GATAD2B: variants seen among roughly 807,000 people sequenced by gnomAD.
The protein encoded by GATAD2B is transcriptional repressor p66-beta.
A neutral mutation model predicts 64.3 loss-of-function variants in GATAD2B; 8 were observed. The observed-to-expected ratio is 0.12, with a 90% CI of 0.07 to 0.22. The LOEUF is 0.22. GATAD2B is among the 10% of genes least tolerant of loss of function. The probability of loss-of-function intolerance (pLI) is 1.00; values close to 1 mark genes in which losing one functional copy is unlikely to be tolerated. For missense variants in GATAD2B, 453 were observed against 752.0 expected, an observed-to-expected ratio of 0.60 and a Z score of 4.65; for synonymous variants, 281 against 271.3, an observed-to-expected ratio of 1.04 and a Z score of -0.35.
intron 1 of GATAD2B, among the ~76,000 whole-genome samples, chr1:153,886,877 T>A (rs1677202513): frequency 6.6e-6 from 1 of 152,000 alleles, no homozygotes; most frequent in Non-Finnish European, 1.5e-5. Flanking sequence ...GCTGTTTTTT[T>A]AAAAAGCCAA....
intron 1 of GATAD2B, among the ~76,000 whole-genome samples, chr1:153,868,146 G>A (rs992413385): frequency 2.0e-5 from 3 of 152,044 alleles, no homozygotes. Flanking sequence ...AGGTTGCATT[G>A]AGCTGAGATC....
intron 1 of GATAD2B, among the ~76,000 whole-genome samples, chr1:153,906,976 AAAAC>A (rs757387138): frequency 1.1e-4 from 16 of 152,336 alleles, no homozygotes; most frequent in Non-Finnish European, 1.5e-4. Flanking sequence ...TTCCTATTCA[AAAAC>A]AAACAAACAA....
intron 1 of GATAD2B, chr1:153,852,908 T>A: frequency 1.3e-6 from 1 of 793,420 alleles, no homozygotes; most frequent in Non-Finnish European, 2.2e-6. Context: ...AAGCCACTGC[T>A]CATGAGCTGC....
At chr1:153,854,674 T>C (rs886780110) in intron 1 of GATAD2B, among the ~76,000 whole-genome samples, 24 of 152,346 alleles carry the variant, frequency 1.6e-4, no homozygotes, top group Admixed American at 1.1e-3. Flanking sequence ...TTTTAGGTTA[T>C]ATAGTCTATT....
rs34557576 is a variant in GATAD2B, at chr1:153,859,907, C to CTTTTTT, written c.-1-31565_-1-31560dup. Among the ~76,000 whole-genome samples, 213 of 60,902 alleles carry CTTTTTT rather than the reference C, an allele frequency of 3.5e-3. 4 individuals are homozygous for CTTTTTT. Among genetic ancestry groups the CTTTTTT allele is most frequent in the Middle Eastern group, 0.02 (1 of 50 alleles). The allele number at this position is 60,902 out of a possible 152,430, so 40.0% of individuals were successfully genotyped here. ...CTGTCAAGGAATTTTCTTTTCTTTT[C>CTTTTTT]TTTTTTTTTTTTTTTTTTTTTTTTT... On this transcript the variant is annotated intron_variant, in intron 1 of 10. Transcript: ENST00000368655.
intron 1 of GATAD2B, among the ~76,000 whole-genome samples, chr1:153,861,781 CAAA>C (rs869141712): frequency 1.2e-5 from 1 of 85,726 alleles, no homozygotes; most frequent in African/African-American, 4.3e-5. Context: ...GACTCCATTT[CAAA>C]AAAAAAAAAA....
chr1:153,908,571 C>A (rs1442214799), intron 1 of GATAD2B, among the ~76,000 whole-genome samples: 2 of 151,410 alleles, frequency 1.3e-5, no homozygotes, highest in African/African-American at 4.9e-5. Flanking sequence ...CGGGTTCCAG[C>A]GATTCTCCTG....
intron 1 of GATAD2B, among the ~76,000 whole-genome samples, chr1:153,882,389 A>G (rs1026788360): frequency 4.7e-4 from 71 of 152,234 alleles, no homozygotes; most frequent in African/African-American, 1.6e-3. Flanking sequence ...ACAGGTACTA[A>G]TAAGACAGCA....
At chr1:153,815,288 A>AC (rs1674434725) in intron 7 of GATAD2B, among the ~76,000 whole-genome samples, 1 of 146,364 alleles carries the variant, frequency 6.8e-6, no homozygotes, top group East Asian at 1.9e-4. Context: ...AACAAAAAAA[A>AC]AAAACAAAAA....
intron 1 of GATAD2B, chr1:153,890,570 C>A (rs960511567): frequency 2.6e-5 from 4 of 151,836 alleles, no homozygotes; most frequent in Non-Finnish European, 4.4e-5. Flanking sequence ...GGTTGGGGGC[C>A]ATCCTGAACC....
intron 2 of GATAD2B, among the ~76,000 whole-genome samples, chr1:153,827,776 C>T (rs1007965126): frequency 6.6e-6 from 1 of 152,128 alleles, no homozygotes; most frequent in Non-Finnish European, 1.5e-5. Flanking sequence ...CCCCCTTTAT[C>T]TAGAAATGAC....
At chr1:153,895,551 G>C (rs1328066668) in intron 1 of GATAD2B, among the ~76,000 whole-genome samples, 3 of 151,504 alleles carry the variant, frequency 2.0e-5, no homozygotes, top group Non-Finnish European at 4.4e-5. Context: ...CTGCACTCTA[G>C]CCTGGGCAAC....
intron 1 of GATAD2B, among the ~76,000 whole-genome samples, chr1:153,909,576 C>A (rs1678053518): frequency 6.6e-6 from 1 of 151,576 alleles, no homozygotes; most frequent in Non-Finnish European, 1.5e-5. Context: ...CCACGGCAGG[C>A]AGATCACAAG....
chr1:153,889,048 TAC>T lies in GATAD2B; in HGVS notation c.-2+33683_-2+33684del, dbSNP rs1289602003. On this transcript the variant is annotated intron_variant, in intron 1 of 10. Coordinates refer to ENST00000368655, the MANE Select transcript of GATAD2B (RefSeq NM_020699.4). ...ACTAAAATGTAAGTTATCACAGCCA[TAC>T]AGTCAGTGACTTCCATAAATCTTTT... is the stretch of plus-strand genomic sequence containing the variant. Among the ~76,000 whole-genome samples, 5 of 152,216 alleles carry T rather than the reference TAC, an allele frequency of 3.3e-5. No individual in the cohort carries two copies. The South Asian group carries it at 1.0e-3, about 32-fold the overall frequency.
At chr1:153,891,466 A>G (rs1677395533) in intron 1 of GATAD2B, among the ~76,000 whole-genome samples, 1 of 143,512 alleles carries the variant, frequency 7.0e-6, no homozygotes, top group Non-Finnish European at 1.5e-5. Flanking sequence ...GCTACTTGGG[A>G]GGTTGAGGCA....
chr1:153,821,220 G>GTGA (rs1408155710), intron 2 of GATAD2B, among the ~76,000 whole-genome samples: 1 of 151,924 alleles, frequency 6.6e-6, no homozygotes, highest in Non-Finnish European at 1.5e-5. Context: ...CTGGGTTCAA[G>GTGA]TGATCCTGCT....
chr1:153,820,572 C>G (rs1473529883), intron 2 of GATAD2B, among the ~76,000 whole-genome samples: 1 of 152,190 alleles, frequency 6.6e-6, no homozygotes, highest in Non-Finnish European at 1.5e-5. Context: ...ATCCTACTTT[C>G]CTTGAGATTG....
rs966681760 is a variant in GATAD2B at position 153,805,169 on chromosome 1, G to A, written c.*5008C>T. The stretch of plus-strand genomic sequence containing the variant: ...TTATCAGCCCAGAACCTAAAGAAGA[G>A]AGTAGGAGTACTCAGCCCAGGCTGT... On this transcript the variant is annotated 3_prime_UTR_variant, in exon 11 of 11. Coordinates refer to ENST00000368655, the MANE Select transcript of GATAD2B (RefSeq NM_020699.4). 6.6e-6 allele frequency: 1 copy of A among 150,916 alleles called. No individual in the cohort carries two copies. The highest frequency in any genetic ancestry group is 6.6e-5 in the Admixed American group (1 of 15,050). 9.3% of individuals were successfully genotyped at this position (150,916 alleles called of 1,614,324 possible).
At chr1:153,903,696 T>G (rs772290778) in intron 1 of GATAD2B, among the ~76,000 whole-genome samples, 2 of 152,156 alleles carry the variant, frequency 1.3e-5, no homozygotes, top group African/African-American at 2.4e-5. Flanking sequence ...AATAAAGTTC[T>G]AACATTGGCC....
Sources: gnomAD v4.1 joint callset for allele counts (sites outside exome capture counted in the v4.1 genomes callset) on GRCh38, gnomAD v4.1.1 for gene constraint, MANE v1.5 for transcripts, NCBI Gene and HGNC (gene_info 2026-07-23, HGNC 2026-07-21) for gene names.